The following CSDE1 variants were observed in gnomAD, a reference collection of about 807,000 sequenced individuals.
CSDE1 encodes cold shock domain-containing protein E1.
A neutral mutation model predicts 89.3 loss-of-function variants in CSDE1; 17 were observed. The ratio of observed to expected loss-of-function variants is 0.19; its 90% CI spans 0.13 to 0.29. The LOEUF is 0.29. Among genes scored for constraint, CSDE1 ranks in the 10% least tolerant of loss-of-function variants. CSDE1 has a pLI of 1.00. For synonymous variants in CSDE1, 322 were observed against 332.8 expected, an observed-to-expected ratio of 0.97 and a Z score of 0.35; for missense variants, 672 against 984.2, an observed-to-expected ratio of 0.68 and a Z score of 4.24.
In CSDE1 at chr1:114,730,480, C is replaced by T. The variant is rs771563159; in HGVS notation, c.1191+28G>A. On this transcript the variant is annotated intron_variant, in intron 11 of 19. Transcript: ENST00000358528. ...TGAAAAAGAAAGCATCAAGAAACAC[C>T]TCCCAACTTTTCTCAGAAACAACTC... The T allele has an allele frequency of 5.6e-6, 9 of 1,612,478 alleles. No homozygotes were observed. In the African/African-American group the frequency reaches 1.2e-4, roughly 22 times the overall value.
intron 9 of CSDE1, among the ~76,000 whole-genome samples, chr1:114,733,480 C>T (rs12739096): frequency 4.7e-5 from 7 of 149,298 alleles, no homozygotes; most frequent in South Asian, 2.1e-4. Flanking sequence ...GAGCCGAGAT[C>T]GCGCCACTGC....
At chr1:114,756,616 C>T (rs911372428) in intron 1 of CSDE1, among the ~76,000 whole-genome samples, 1 of 152,182 alleles carries the variant, frequency 6.6e-6, no homozygotes, top group African/African-American at 2.4e-5. Flanking sequence ...TGGCTGAGAA[C>T]TGCCAGTTCA....
At chr1:114,752,483 G>A (rs1404222529) in intron 1 of CSDE1, among the ~76,000 whole-genome samples, 3 of 152,000 alleles carry the variant, frequency 2.0e-5, no homozygotes, top group African/African-American at 7.2e-5. Flanking sequence ...CCCAACCCCT[G>A]CTCCAAGTGT....
chr1:114,736,740 T>A lies in CSDE1; in HGVS notation c.500+18A>T, dbSNP rs369889410. On this transcript the variant is annotated intron_variant, in intron 6 of 19. Coordinates refer to ENST00000358528, the MANE Select transcript of CSDE1 (RefSeq NM_001007553.3). ...AAAAAACCGCTTAGGTGAGAAAATT[T>A]AAAAAAAAAGAACTTACTGTTTATT... 3.0e-5 allele frequency: 45 copies of A among 1,524,712 alleles called. No homozygotes were observed. Among genetic ancestry groups the A allele is most frequent in the Middle Eastern group, 2.0e-4 (1 of 5,026 alleles). The allele number at this position is 1,524,712 out of a possible 1,614,324, so 94.4% of individuals were successfully genotyped here.
rs989304487 is a variant in CSDE1, at chr1:114,718,960, A to G, written c.2217-215T>C. ...TCCCAACTTAATAGGAATGGAAGGA[A>G]TCATTTGCAGACCCTAGACTTGAAT... On this transcript the variant is annotated intron_variant, in intron 18 of 19. Transcript: ENST00000358528. 4 of 559,404 alleles carry G rather than the reference A, an allele frequency of 7.2e-6. No homozygotes were observed. The Admixed American group carries it at 1.3e-4, about 18-fold the overall frequency. 34.7% of individuals were successfully genotyped at this position (559,404 alleles called of 1,614,324 possible).
intron 18 of CSDE1, chr1:114,718,979 C>G (rs1200126024): frequency 5.8e-6 from 3 of 513,306 alleles, no homozygotes; most frequent in Non-Finnish European, 1.0e-5. Context: ...AGACCCTAGA[C>G]TTGAATGCAA....
intron 18 of CSDE1, among the ~76,000 whole-genome samples, chr1:114,719,177 C>T (rs1027196087): frequency 2.0e-5 from 3 of 152,064 alleles, no homozygotes; most frequent in Non-Finnish European, 2.9e-5. Flanking sequence ...CATGTGGTGG[C>T]GCATGCTTGT....
chr1:114,757,571 G>A (rs1408442704), intron 1 of CSDE1, among the ~76,000 whole-genome samples: 2 of 152,042 alleles, frequency 1.3e-5, no homozygotes, highest in African/African-American at 4.8e-5. Context: ...CCAGACTACA[G>A]ATCCCAGCAG....
intron 12 of CSDE1, among the ~76,000 whole-genome samples, chr1:114,729,623 G>A (rs1449459921): frequency 6.6e-6 from 1 of 151,116 alleles, no homozygotes; most frequent in African/African-American, 2.4e-5. Flanking sequence ...GCTCTTTCCT[G>A]TCTCCATCTG....
At chr1:114,743,278 G>C (rs1660832082) in intron 2 of CSDE1, among the ~76,000 whole-genome samples, 1 of 152,048 alleles carries the variant, frequency 6.6e-6, no homozygotes, top group African/African-American at 2.4e-5. Context: ...TGCAACCTCT[G>C]CCTCCTGGGT....
Position 114,733,869 on chromosome 1 carries a change from G to A in CSDE1, c.712-12C>T, listed in dbSNP as rs201756332. On this transcript the variant is annotated splice_polypyrimidine_tract_variant and intron_variant, in intron 8 of 19. Coordinates refer to ENST00000358528, the MANE Select transcript of CSDE1 (RefSeq NM_001007553.3). ...GCAACTTCTTTACCCTAAATCAGAA[G>A]GGGTTGGAGGTGGTGGGGGGACAGA... 1.4e-5 allele frequency: 23 copies of A among 1,612,728 alleles called. No individual in the cohort carries two copies. In the East Asian group the frequency reaches 2.2e-4, roughly 16 times the overall value.
chr1:114,732,547 G>C (rs1570916981), intron 10 of CSDE1, 57 bp downstream of exon 10: 3 of 1,533,038 alleles, frequency 2.0e-6, no homozygotes, highest in South Asian at 1.1e-5. Context: ...GTATAAACTT[G>C]AATATAACAT....
At chr1:114,734,925 T>C (rs1207523560) in intron 6 of CSDE1, among the ~76,000 whole-genome samples, 1 of 152,148 alleles carries the variant, frequency 6.6e-6, no homozygotes, top group African/African-American at 2.4e-5. Flanking sequence ...TAAACAAACA[T>C]TTGTGTAGGT....
At chr1:114,754,091 C>T (rs12144569) in intron 1 of CSDE1, among the ~76,000 whole-genome samples, 4 of 152,116 alleles carry the variant, frequency 2.6e-5, no homozygotes, top group African/African-American at 4.8e-5. Flanking sequence ...CGGGTTCAAG[C>T]GATTCTCCTG....
At position 114,725,267 on chromosome 1, in the gene CSDE1, G is replaced by C. The variant is rs748625560; in HGVS notation, c.1707C>G (p.Gly569=). The change falls in exon 15 of 20, where the codon GGC becomes GGG. Residue 569 remains glycine, a synonymous_variant. Coordinates refer to ENST00000358528, the MANE Select transcript of CSDE1 (RefSeq NM_001007553.3). Reference sequence around the variant, plus strand: ...TTTCTGCACTGACTTTGTTGCCTTTGCCTTTGGACAAGCTATACTCGACCA... The same window carrying C: ...TTTCTGCACTGACTTTGTTGCCTTTCCCTTTGGACAAGCTATACTCGACCA... ...GDMVEYSLSK[G]KGNKVSAEKV... is the part of the protein sequence containing the mutation. The C allele has an allele frequency of 1.9e-6, 3 of 1,613,986 alleles. No individual in the cohort carries two copies. Among genetic ancestry groups the C allele is most frequent in the East Asian group, 2.2e-5 (1 of 44,884 alleles).
intron 16 of CSDE1, among the ~76,000 whole-genome samples, chr1:114,721,229 A>G (rs1002671350): frequency 6.6e-6 from 1 of 152,140 alleles, no homozygotes; most frequent in Non-Finnish European, 1.5e-5. Flanking sequence ...TCCAGATCAG[A>G]GACCAAAAAC....
At position 114,730,326 on chromosome 1, in the gene CSDE1, C is replaced by T; in HGVS notation, c.1288G>A (p.Gly430Ser). 6.2e-7 allele frequency: 1 copy of T among 1,614,070 alleles called. No homozygotes were observed. Among genetic ancestry groups the T allele is most frequent in the Non-Finnish European group, 8.5e-7 (1 of 1,180,022 alleles). ...FHSHSDHRFLGTVEKEATFSN... is the reference protein window; with the variant it reads ...FHSHSDHRFLSTVEKEATFSN... ...AAAGTGGCTTCTTTTTCTACCGTGCCCAGAAAACGGTGATCTGAATGGGAA... is the reference window on the plus strand; with the variant it reads ...AAAGTGGCTTCTTTTTCTACCGTGCTCAGAAAACGGTGATCTGAATGGGAA... Residue 430 changes from glycine (G) to serine (S), a missense_variant, in exon 12 of 20, where the codon GGC (glycine) becomes AGC (serine). By Grantham distance (56) the Gly-to-Ser change is moderately conservative (BLOSUM62 0). Coordinates refer to ENST00000358528, the MANE Select transcript of CSDE1 (RefSeq NM_001007553.3).
chr1:114,730,055 C>T (rs1255228057), intron 12 of CSDE1, among the ~76,000 whole-genome samples: 1 of 152,184 alleles, frequency 6.6e-6, no homozygotes, highest in Non-Finnish European at 1.5e-5. Flanking sequence ...AACATCCCAT[C>T]CCCCACAGTA....
intron 16 of CSDE1, among the ~76,000 whole-genome samples, chr1:114,722,878 TA>T (rs1400148276): frequency 6.6e-6 from 1 of 152,158 alleles, no homozygotes; most frequent in Non-Finnish European, 1.5e-5. Context: ...TCCCATGTGG[TA>T]AAGGAATAGG....
Sources: allele counts gnomAD v4.1 joint callset (sites outside exome capture counted in the v4.1 genomes callset), GRCh38; gene constraint gnomAD v4.1.1; transcripts MANE v1.5; gene names NCBI Gene and HGNC (gene_info 2026-07-23, HGNC 2026-07-21).